SLC9A8: variants seen among roughly 807,000 people sequenced by gnomAD.
The protein encoded by SLC9A8 is sodium/hydrogen exchanger 8.
SLC9A8 carries 48 observed loss-of-function variants against 66.6 expected under a neutral mutation model. The ratio of observed to expected loss-of-function variants is 0.72; its 90% confidence interval spans 0.57 to 0.92. The LOEUF is 0.92. Among genes scored for constraint, SLC9A8 ranks in the 40% least tolerant of loss-of-function variants. SLC9A8 has a pLI of 0.00. For synonymous variants in SLC9A8, 274 were observed against 282.6 expected (o/e 0.97, Z 0.31); for missense variants, 599 against 747.3 (o/e 0.80, Z 2.31).
At chr20:49,814,761 A>G (rs1334873688) in intron 1 of SLC9A8, among the ~76,000 whole-genome samples, 11 of 152,158 alleles carry the variant, frequency 7.2e-5, no homozygotes, top group Admixed American at 5.2e-4. Context: ...TTTCATTTCT[A>G]TACTAGCTCT....
intron 12 of SLC9A8, among the ~76,000 whole-genome samples, chr20:49,878,660 T>A (rs1167056407): frequency 5.9e-5 from 9 of 152,224 alleles, no homozygotes; most frequent in African/African-American, 2.2e-4. Context: ...TCTTGGTCAC[T>A]GTTATTTGTC....
At position 49,889,241 on chromosome 20, in the gene SLC9A8, G is replaced by A. The variant is rs1315476425; in HGVS notation, c.*1305G>A. 2 of 152,250 alleles carry A rather than the reference G, an allele frequency of 1.3e-5. No individual in the cohort carries two copies. The highest frequency in any genetic ancestry group is 4.8e-5 in the African/African-American group (2 of 41,454). The allele number at this position is 152,250 out of a possible 1,614,324, so 9.4% of individuals were successfully genotyped here. ...TCCGTATGTGGTTCTGGGTCCCAGGGAGCCTTGGAACCTGGCACCCTGGGG... is the reference window on the plus strand; with the variant it reads ...TCCGTATGTGGTTCTGGGTCCCAGGAAGCCTTGGAACCTGGCACCCTGGGG... On this transcript the variant is annotated 3_prime_UTR_variant, in exon 16 of 16. Coordinates refer to ENST00000361573, the MANE Select transcript of SLC9A8 (RefSeq NM_015266.3).
chr20:49,815,684 G>A (rs947159018), intron 2 of SLC9A8, among the ~76,000 whole-genome samples: 2 of 152,078 alleles, frequency 1.3e-5, no homozygotes, highest in Non-Finnish European at 2.9e-5. Flanking sequence ...GGCAGAGGTT[G>A]CAGTGAGCCG....
At chr20:49,884,235 C>CACACG (rs2089755980) in intron 14 of SLC9A8, 169 bp downstream of exon 14, 1 of 206,402 alleles carries the variant, frequency 4.8e-6, no homozygotes, top group African/African-American at 5.8e-5. Context: ...CACACACACA[C>CACACG]ACACACGACA....
Position 49,890,882 on chromosome 20 carries a change from C to T in SLC9A8, c.*2946C>T, listed in dbSNP as rs956210617. ...AAGGGGTAGGCCTGAGCGCCAGAGTCGCCCAGGTTAGCCCACAGGATTCCT... is the reference window on the plus strand; with the variant it reads ...AAGGGGTAGGCCTGAGCGCCAGAGTTGCCCAGGTTAGCCCACAGGATTCCT... On this transcript the variant is annotated 3_prime_UTR_variant, in exon 16 of 16. Coordinates refer to ENST00000361573, the MANE Select transcript of SLC9A8 (RefSeq NM_015266.3). The T allele has an allele frequency of 1.7e-4, 26 of 152,378 alleles. No homozygotes were observed. The highest frequency in any genetic ancestry group is 1.2e-3 in the Admixed American group (18 of 15,308). 9.4% of individuals were successfully genotyped at this position (152,378 alleles called of 1,614,324 possible).
intron 3 of SLC9A8, among the ~76,000 whole-genome samples, chr20:49,839,316 C>G (rs949148536): frequency 6.6e-6 from 1 of 152,152 alleles, no homozygotes; most frequent in Non-Finnish European, 1.5e-5. Flanking sequence ...TTTCCTCCCC[C>G]ACAGCCTGAC....
chr20:49,840,789 C>T lies in SLC9A8; in HGVS notation c.348+1190C>T, dbSNP rs1435371485. On this transcript the variant is annotated intron_variant, in intron 4 of 15. Coordinates refer to ENST00000361573, the MANE Select transcript of SLC9A8 (RefSeq NM_015266.3). ...TATAGCCTGATGTGTAGATTTTGCC[C>T]ACTAACCCATTTTGTTTGATCTGAT... Among the ~76,000 whole-genome samples, 3 of 151,226 alleles carry T rather than the reference C, an allele frequency of 2.0e-5. No homozygotes were observed. In the East Asian group the frequency reaches 5.8e-4, roughly 29 times the overall value.
At chr20:49,824,307 C>T (rs529956060) in intron 3 of SLC9A8, among the ~76,000 whole-genome samples, 2 of 152,318 alleles carry the variant, frequency 1.3e-5, no homozygotes, top group East Asian at 1.9e-4. Flanking sequence ...AGCAATATAT[C>T]TTGGTAGATT....
intron 8 of SLC9A8, among the ~76,000 whole-genome samples, chr20:49,857,844 G>T (rs961762255): frequency 6.6e-6 from 1 of 152,074 alleles, no homozygotes; most frequent in Admixed American, 6.5e-5. Context: ...TTTTTGCCCT[G>T]TTTTTGCCCT....
intron 7 of SLC9A8, among the ~76,000 whole-genome samples, chr20:49,853,892 G>C (rs1443822831): frequency 6.6e-6 from 1 of 152,220 alleles, no homozygotes; most frequent in Admixed American, 6.5e-5. Context: ...CCAGAGGCCA[G>C]ATGATTGACT....
intron 2 of SLC9A8, among the ~76,000 whole-genome samples, chr20:49,822,248 C>A (rs75126534): frequency 1.8e-3 from 267 of 152,268 alleles, no homozygotes; most frequent in African/African-American, 5.8e-3. Flanking sequence ...TTACTTTTTC[C>A]TGTTTGTAAA....
At chr20:49,884,334 A>ACACACACACACCCACC (rs1568884594) in intron 14 of SLC9A8, among the ~76,000 whole-genome samples, 1 of 124,376 alleles carries the variant, frequency 8.0e-6, no homozygotes, top group Non-Finnish European at 1.7e-5. Context: ...ACACACACAC[A>ACACACACACACCCACC]CACCCCCCGG....
At chr20:49,833,319 A>T (rs1171792887) in intron 3 of SLC9A8, among the ~76,000 whole-genome samples, 2 of 152,106 alleles carry the variant, frequency 1.3e-5, no homozygotes, top group East Asian at 3.8e-4. Context: ...AAAGTTGTGA[A>T]TTTTTATTTT....
chr20:49,826,406 C>T (rs1277014891), intron 3 of SLC9A8, among the ~76,000 whole-genome samples: 3 of 152,176 alleles, frequency 2.0e-5, no homozygotes, highest in Non-Finnish European at 4.4e-5. Context: ...GTATGGTTTT[C>T]GTTCTTTCAG....
intron 13 of SLC9A8, among the ~76,000 whole-genome samples, chr20:49,881,729 A>C (rs935609108): frequency 6.6e-6 from 1 of 152,194 alleles, no homozygotes; most frequent in Non-Finnish European, 1.5e-5. Flanking sequence ...TTCTTTCAAA[A>C]GGCCATGTTT....
chr20:49,879,023 CA>C (rs199708060), intron 12 of SLC9A8, among the ~76,000 whole-genome samples: 25 of 143,794 alleles, frequency 1.7e-4, no homozygotes, highest in East Asian at 4.0e-4. Flanking sequence ...AAGTCCATCT[CA>C]AAAAAAAAAA....
intron 3 of SLC9A8, 101 bp from the exon 4 acceptor site, chr20:49,839,440 G>A: frequency 1.5e-6 from 1 of 685,846 alleles, no homozygotes; most frequent in Non-Finnish European, 2.5e-6. Flanking sequence ...ACCACCTTGG[G>A]CACATGTCGT....
chr20:49,812,963 T>C lies in SLC9A8; in HGVS notation c.26+15T>C. On this transcript the variant is annotated intron_variant, in intron 1 of 15. Transcript: ENST00000361573. ...GCGGAAGAGGAGTGAGTGGGCTTTTTCCCGGGCGGCGGAGGCGGCGGGGCT... is the reference window on the plus strand; with the variant it reads ...GCGGAAGAGGAGTGAGTGGGCTTTTCCCCGGGCGGCGGAGGCGGCGGGGCT... 1.4e-6 allele frequency: 2 copies of C among 1,399,978 alleles called. No homozygotes were observed. The highest frequency in any genetic ancestry group is 9.3e-7 in the Non-Finnish European group (1 of 1,075,406). 86.7% of individuals were successfully genotyped at this position (1,399,978 alleles called of 1,614,324 possible).
At chr20:49,867,531 T>C (rs1179198305) in intron 10 of SLC9A8, among the ~76,000 whole-genome samples, 2 of 152,160 alleles carry the variant, frequency 1.3e-5, no homozygotes, top group Non-Finnish European at 1.5e-5. Context: ...ATCCGACATA[T>C]TTACTGATCA....
Sources: gnomAD v4.1 joint callset for allele counts (sites outside exome capture counted in the v4.1 genomes callset) on GRCh38, gnomAD v4.1.1 for gene constraint, MANE v1.5 for transcripts, NCBI Gene and HGNC (gene_info 2026-07-23, HGNC 2026-07-21) for gene names.